The following GNA12 variants were observed in gnomAD, a reference collection of about 807,000 sequenced individuals.
GNA12 encodes G protein subunit alpha 12.
A neutral mutation model predicts 26.0 loss-of-function variants in GNA12; 9 were observed. The observed-to-expected ratio is 0.35, with a 90% confidence interval of 0.21 to 0.60. The LOEUF (loss-of-function observed/expected upper bound fraction) is 0.60, where lower values mean the gene tolerates loss of function less well. Ranked by LOEUF, GNA12 falls within the 20% of genes least tolerant of loss-of-function variation. GNA12 has a pLI of 0.78. For missense variants in GNA12, 405 were observed against 525.8 expected (o/e 0.77, Z 2.25); for synonymous variants, 264 against 219.6 (o/e 1.20, Z -1.79).
chr7:2,782,128 C>T (rs116598109), intron 2 of GNA12, among the ~76,000 whole-genome samples: 1,967 of 152,244 alleles, frequency 0.013, 45 homozygotes, highest in African/African-American at 0.045. Flanking sequence ...TGGACCCCTA[C>T]CTCAAACCAT....
chr7:2,838,987 T>C (rs566951052), intron 1 of GNA12, among the ~76,000 whole-genome samples: 56 of 152,182 alleles, frequency 3.7e-4, no homozygotes, highest in Non-Finnish European at 6.9e-4. Context: ...TCAGCAAGCA[T>C]ATAGAACTCA....
intron 2 of GNA12, among the ~76,000 whole-genome samples, chr7:2,738,124 CA>C (rs1243667076): frequency 6.6e-6 from 1 of 152,058 alleles, no homozygotes; most frequent in South Asian, 2.1e-4. Flanking sequence ...TTATCATCCC[CA>C]AATATTAGGT....
chr7:2,838,348 G>C (rs1778897397), intron 1 of GNA12, among the ~76,000 whole-genome samples: 1 of 151,286 alleles, frequency 6.6e-6, no homozygotes. Flanking sequence ...GGCTGAGGCA[G>C]GAGGATGGCT....
In GNA12 at chr7:2,731,546, G is replaced by C; in HGVS notation, c.781C>G (p.Leu261Val). 1 of 1,611,194 alleles carries C rather than the reference G, an allele frequency of 6.2e-7. No homozygotes were observed. Among genetic ancestry groups the C allele is most frequent in the Non-Finnish European group, 8.5e-7 (1 of 1,177,904 alleles). Residue 261 changes from leucine to valine, a missense_variant, in exon 4 of 4, where the codon CTC becomes GTC. By Grantham distance (32) the Leu-to-Val change is conservative. Transcript: ENST00000275364. The surrounding 1 kb of genome is among the most constrained non-coding windows in gnomAD (Gnocchi z 6.0). ...CGGTTGGTGCGCCTGTCCTCCATGA[G>C]GACCTGGTCGTACTCGCTGGAGGAG... is the stretch of plus-strand genomic sequence containing the variant. ...MVSSSEYDQVLMEDRRTNRLV... is the reference protein window; with the variant it reads ...MVSSSEYDQVVMEDRRTNRLV...
intron 1 of GNA12, among the ~76,000 whole-genome samples, chr7:2,818,994 T>C (rs1050128494): frequency 3.3e-5 from 5 of 152,164 alleles, no homozygotes; most frequent in African/African-American, 1.2e-4. Context: ...GAAAGGTCTT[T>C]GCAGAGGTAA....
intron 2 of GNA12, among the ~76,000 whole-genome samples, chr7:2,789,130 A>ATATTTTT (rs1583283001): frequency 1.3e-5 from 1 of 74,180 alleles, no homozygotes; most frequent in Non-Finnish European, 2.9e-5. Context: ...CCCTTCAGGC[A>ATATTTTT]TCTTTTTTTT....
At chr7:2,769,506 G>A (rs774902178) in intron 2 of GNA12, among the ~76,000 whole-genome samples, 3 of 151,870 alleles carry the variant, frequency 2.0e-5, no homozygotes, top group East Asian at 2.0e-4. Flanking sequence ...CGAGGTCGGC[G>A]GATCACGAGG....
At chr7:2,740,092 C>G (rs2115323252) in intron 2 of GNA12, among the ~76,000 whole-genome samples, 1 of 152,314 alleles carries the variant, frequency 6.6e-6, no homozygotes, top group East Asian at 1.9e-4. Context: ...CACATCCTTG[C>G]CAACACTTGC....
intron 1 of GNA12, among the ~76,000 whole-genome samples, chr7:2,829,060 C>T (rs1416454259): frequency 2.0e-5 from 3 of 147,736 alleles, no homozygotes; most frequent in African/African-American, 7.5e-5. Context: ...GCGACAGAGC[C>T]AGACCCTGTC....
At chr7:2,839,755 C>G (rs1778935805) in intron 1 of GNA12, among the ~76,000 whole-genome samples, 1 of 152,136 alleles carries the variant, frequency 6.6e-6, no homozygotes, top group South Asian at 2.1e-4. Flanking sequence ...ACATCTGGCA[C>G]TTTGGGAGGC....
chr7:2,744,894 C>A (rs749464590), intron 2 of GNA12, among the ~76,000 whole-genome samples: 1 of 151,816 alleles, frequency 6.6e-6, no homozygotes, highest in African/African-American at 2.4e-5. Flanking sequence ...GGAGCCGATG[C>A]GATGAACTGG....
chr7:2,807,029 T>A (rs1792966586), intron 1 of GNA12, among the ~76,000 whole-genome samples: 1 of 152,356 alleles, frequency 6.6e-6, no homozygotes, highest in Admixed American at 6.5e-5. Context: ...TAATAACTTT[T>A]AATTTTCCTT....
rs566430982 is a variant in GNA12 at position 2,742,486 on chromosome 7, T to C, written c.526-8985A>G. 2.1e-4 allele frequency among the ~76,000 whole-genome samples: 32 copies of C among 152,330 alleles called. No homozygotes were observed. The South Asian group carries it at 5.6e-3, about 27-fold the overall frequency. ...TCAACAAGAGCCCTGCTCCTGTTTATCTCATCGCTGTCCACATGGACTCAC... is the reference window on the plus strand; with the variant it reads ...TCAACAAGAGCCCTGCTCCTGTTTACCTCATCGCTGTCCACATGGACTCAC... On this transcript the variant is annotated intron_variant, in intron 2 of 3. Coordinates refer to ENST00000275364, the MANE Select transcript of GNA12 (RefSeq NM_007353.3).
In GNA12 at chr7:2,843,875, G is replaced by A. The variant is rs375882198; in HGVS notation, c.287C>T (p.Thr96Ile). ...CACCTTGAGGATGTTGTCGAAGATG[G>A]TGTCGCGGAACTCCAGCAGCGCCTT... ...DQKALLEFRD[T>I]IFDNILKGSR... The change falls in exon 1 of 4, where the codon ACC (threonine) becomes ATC (isoleucine). Residue 96 changes from threonine (T) to isoleucine (I), a missense_variant. Coordinates refer to ENST00000275364, the MANE Select transcript of GNA12 (RefSeq NM_007353.3). The A allele has an allele frequency of 3.2e-6, 5 of 1,548,156 alleles. No homozygotes were observed. The highest frequency in any genetic ancestry group is 2.5e-5 in the East Asian group (1 of 39,640).
intron 2 of GNA12, chr7:2,763,274 C>T (rs1236874289): frequency 7.8e-6 from 2 of 254,798 alleles, no homozygotes; most frequent in East Asian, 1.4e-4. Flanking sequence ...TTCCCAGGCC[C>T]GTGGGAGGAG....
At chr7:2,818,659 T>C (rs1281400449) in intron 1 of GNA12, among the ~76,000 whole-genome samples, 4 of 149,982 alleles carry the variant, frequency 2.7e-5, no homozygotes, top group Non-Finnish European at 5.9e-5. Flanking sequence ...GCTCCTCAAG[T>C]GGCTGAGGCA....
At chr7:2,744,155 C>G (rs1790648957) in intron 2 of GNA12, among the ~76,000 whole-genome samples, 2 of 152,224 alleles carry the variant, frequency 1.3e-5, no homozygotes, top group Non-Finnish European at 2.9e-5. Flanking sequence ...CCCCGTCTGA[C>G]AGCTTTGAAG....
At chr7:2,834,184 C>G (rs557997226) in intron 1 of GNA12, among the ~76,000 whole-genome samples, 23 of 152,350 alleles carry the variant, frequency 1.5e-4, no homozygotes, top group African/African-American at 5.5e-4. Flanking sequence ...AGTTCTGATT[C>G]TTTAGTATCT....
At chr7:2,746,507 A>G (rs1790770367) in intron 2 of GNA12, among the ~76,000 whole-genome samples, 1 of 152,130 alleles carries the variant, frequency 6.6e-6, no homozygotes, top group Non-Finnish European at 1.5e-5. Context: ...TCTCTGGGAC[A>G]CATTCAAAGC....
Sources: gnomAD v4.1 joint callset for allele counts (sites outside exome capture counted in the v4.1 genomes callset) on GRCh38, gnomAD v4.1.1 for gene constraint, Gnocchi (gnomAD v3.1) non-coding constraint, MANE v1.5 for transcripts, NCBI Gene and HGNC (gene_info 2026-07-23, HGNC 2026-07-21) for gene names.